The following DNAH5 variants were observed in gnomAD, a reference collection of about 807,000 sequenced individuals.
DNAH5 encodes the protein dynein axonemal heavy chain 5.
In DNAH5, 372 loss-of-function variants were observed where a neutral mutation model predicts 518.2. The observed-to-expected ratio is 0.72, with a 90% CI of 0.66 to 0.78. The LOEUF is 0.78. DNAH5 is among the 30% of genes least tolerant of loss of function. The pLI is 0.00. For synonymous variants in DNAH5, 2,039 were observed against 2,025.9 expected, an observed-to-expected ratio of 1.01 and a Z score of -0.17; for missense variants, 5,523 against 5,687.0, an observed-to-expected ratio of 0.97 and a Z score of 0.93.
intron 1 of DNAH5, among the ~76,000 whole-genome samples, chr5:13,991,766 T>C (rs1182431036): frequency 2.0e-5 from 3 of 152,138 alleles, no homozygotes; most frequent in East Asian, 1.9e-4. Flanking sequence ...GATACAAATA[T>C]ATCTTGAAAA....
chr5:13,898,171 G>A (rs1348007255), intron 15 of DNAH5: 4 of 163,272 alleles, frequency 2.4e-5, no homozygotes, highest in Non-Finnish European at 5.3e-5. Context: ...ACATGGAACA[G>A]AAGAATCACC....
At chr5:13,742,694 T>C (rs942964335) in intron 65 of DNAH5, among the ~76,000 whole-genome samples, 18 of 152,100 alleles carry the variant, frequency 1.2e-4, no homozygotes, top group African/African-American at 3.1e-4. Flanking sequence ...AATATCATTG[T>C]TAACAAATTT....
At chr5:13,704,790 T>C (rs79437499) in intron 76 of DNAH5, among the ~76,000 whole-genome samples, 4,861 of 152,230 alleles carry the variant, frequency 0.032, 102 homozygotes, top group South Asian at 0.12. Flanking sequence ...CACTACATCA[T>C]CTTACCTATA....
rs534972232 is a variant in DNAH5 at position 13,712,871 on chromosome 5, G to A, written c.13125+1534C>T. On this transcript the variant is annotated intron_variant, in intron 75 of 78. Coordinates refer to ENST00000265104, the MANE Select transcript of DNAH5 (RefSeq NM_001369.3). ...ATCAAGGAACACTTCCACACTGCTG[G>A]TGGGAATGTAAACTAGAACAGCCAC... Among the ~76,000 whole-genome samples, 10 of 152,218 alleles carry A rather than the reference G, an allele frequency of 6.6e-5. No homozygotes were observed. The South Asian group carries it at 2.1e-3, about 32-fold the overall frequency.
intron 17 of DNAH5, among the ~76,000 whole-genome samples, chr5:13,887,219 T>C (rs775532869): frequency 1.3e-5 from 2 of 152,206 alleles, no homozygotes; most frequent in Non-Finnish European, 2.9e-5. Flanking sequence ...AAGCACATGT[T>C]TGAGATCATA....
intron 50 of DNAH5, among the ~76,000 whole-genome samples, chr5:13,791,288 A>T (rs2126895375): frequency 6.6e-6 from 1 of 152,292 alleles, no homozygotes; most frequent in Admixed American, 6.5e-5. Context: ...AGCTCTAGAA[A>T]GGCTTAAACA....
At chr5:13,901,005 G>C (rs962519867) in intron 14 of DNAH5, among the ~76,000 whole-genome samples, 27 of 152,178 alleles carry the variant, frequency 1.8e-4, no homozygotes, top group African/African-American at 6.5e-4. Flanking sequence ...CAATAAACAA[G>C]ATCTTCTCAC....
intron 55 of DNAH5, 53 bp from the exon 56 acceptor site, chr5:13,771,033 T>A: frequency 7.0e-7 from 1 of 1,419,692 alleles, no homozygotes; most frequent in Non-Finnish European, 9.9e-7. Flanking sequence ...GTTACCCTTT[T>A]AAAAGTTAAC....
intron 64 of DNAH5, among the ~76,000 whole-genome samples, chr5:13,751,755 G>A (rs1750264145): frequency 6.6e-6 from 1 of 152,106 alleles, no homozygotes; most frequent in Non-Finnish European, 1.5e-5. Context: ...GAGCTGGGGT[G>A]AGGGTTCCCA....
chr5:13,831,591 T>C (rs1027150265), intron 35 of DNAH5, among the ~76,000 whole-genome samples: 4 of 152,198 alleles, frequency 2.6e-5, no homozygotes, highest in African/African-American at 9.6e-5. Flanking sequence ...GTGCACCAGC[T>C]GGGGGTGGTT....
At chr5:13,963,879 G>C (rs971849925) in intron 1 of DNAH5, among the ~76,000 whole-genome samples, 1 of 152,044 alleles carries the variant, frequency 6.6e-6, no homozygotes, top group Admixed American at 6.6e-5. Context: ...TTGTAGAGAC[G>C]TGATCTCTAT....
rs143098929 is a variant in DNAH5 at position 13,784,944 on chromosome 5, G to C, written c.8820+1235C>G. 2.9e-3 allele frequency among the ~76,000 whole-genome samples: 443 copies of C among 152,222 alleles called. 5 individuals carry two copies. Among genetic ancestry groups the C allele is most frequent in the African/African-American group, 0.01 (422 of 41,542 alleles). The stretch of plus-strand genomic sequence containing the variant: ...GCAGTCCCTAACCTTTTTGGCACCA[G>C]GGACCAGTATTGTGGAAGACAATTT... On this transcript the variant is annotated intron_variant, in intron 52 of 78. Coordinates refer to ENST00000265104, the MANE Select transcript of DNAH5 (RefSeq NM_001369.3).
rs1202925846 is a variant in DNAH5 at position 13,751,280 on chromosome 5, T to A, written c.11029-20A>T. On this transcript the variant is annotated intron_variant, in intron 64 of 78. Coordinates refer to ENST00000265104, the MANE Select transcript of DNAH5 (RefSeq NM_001369.3). ...TTTCACCTTTTTTATAAAAAGAAAT[T>A]TAAAAGTAATAAAATAGAGATATAC... The A allele has an allele frequency of 6.3e-7, 1 of 1,583,384 alleles. No individual in the cohort carries two copies. The highest frequency in any genetic ancestry group is 1.7e-5 in the Admixed American group (1 of 58,128).
chr5:13,726,981 C>T (rs546515832), intron 70 of DNAH5, among the ~76,000 whole-genome samples: 2 of 152,286 alleles, frequency 1.3e-5, no homozygotes, highest in Non-Finnish European at 2.9e-5. Context: ...CATCTGGAGG[C>T]AGGATTCACA....
intron 27 of DNAH5, 140 bp from the exon 28 acceptor site, chr5:13,864,777 T>C: frequency 2.2e-6 from 2 of 910,814 alleles, no homozygotes; most frequent in Non-Finnish European, 3.5e-6. Context: ...TTGCAGGCTG[T>C]CTGTTCATAT....
At chr5:13,889,907 G>A (rs1772962483) in intron 17 of DNAH5, among the ~76,000 whole-genome samples, 1 of 152,098 alleles carries the variant, frequency 6.6e-6, no homozygotes, top group South Asian at 2.1e-4. Flanking sequence ...TAGTGGGGGT[G>A]GTCTTGGAGA....
intron 35 of DNAH5, among the ~76,000 whole-genome samples, chr5:13,833,618 C>T (rs1234744540): frequency 6.6e-6 from 1 of 152,094 alleles, no homozygotes; most frequent in Non-Finnish European, 1.5e-5. Context: ...TCTTGTCCAA[C>T]ACTACACAGC....
chr5:13,830,076 C>T lies in DNAH5; in HGVS notation c.6199G>A (p.Asp2067Asn). 1.2e-6 allele frequency: 2 copies of T among 1,613,994 alleles called. No homozygotes were observed. Among genetic ancestry groups the T allele is most frequent in the South Asian group, 1.1e-5 (1 of 91,066 alleles). ...GGGTTCATAGTCACATTATCTCCAT[C>T]AGTAAAGATAAAAGACTTTTTGTGC... ...KEHKKSFIFTDGDNVTMNPEF... is the reference protein window; with the variant it reads ...KEHKKSFIFTNGDNVTMNPEF... The change falls in exon 37 of 79, where the codon GAT becomes AAT. Residue 2067 changes from aspartate (D) to asparagine (N), a missense_variant. Around this residue, in one of 3 missense-constraint regions of DNAH5, gnomAD observed 5,121 missense variants for 5,223.3 expected, o/e 0.98. Coordinates refer to ENST00000265104, the MANE Select transcript of DNAH5 (RefSeq NM_001369.3).
At chr5:13,952,761 G>T (rs1044642844) in intron 1 of DNAH5, among the ~76,000 whole-genome samples, 2 of 152,092 alleles carry the variant, frequency 1.3e-5, no homozygotes, top group Non-Finnish European at 2.9e-5. Context: ...AAAATAACCC[G>T]TTTATTTACC....
Sources: allele counts gnomAD v4.1 joint callset (sites outside exome capture counted in the v4.1 genomes callset), GRCh38; gene constraint gnomAD v4.1.1; regional missense constraint gnomAD v4.1.1; transcripts MANE v1.5; gene names NCBI Gene and HGNC (gene_info 2026-07-23, HGNC 2026-07-21).